Variants in DLGAP4 observed in about 807,000 individuals in gnomAD.
The protein encoded by DLGAP4 is disks large-associated protein 4.
DLGAP4 carries 18 observed loss-of-function variants against 86.9 expected under a neutral mutation model. The observed-to-expected ratio is 0.21, with a 90% CI of 0.14 to 0.31. The LOEUF (loss-of-function observed/expected upper bound fraction) is 0.31, where lower values mean the gene tolerates loss of function less well. Among genes scored for constraint, DLGAP4 ranks in the 10% least tolerant of loss-of-function variants. The pLI is 1.00. For synonymous variants in DLGAP4, 548 were observed against 574.3 expected (o/e 0.95, Z 0.65); for missense variants, 1,085 against 1,362.6 (o/e 0.80, Z 3.21).
At chr20:36,463,376 A>T (rs1402020499) in intron 7 of DLGAP4, among the ~76,000 whole-genome samples, 1 of 152,206 alleles carries the variant, frequency 6.6e-6, no homozygotes, top group Admixed American at 6.5e-5. Flanking sequence ...GTCTTTAAAC[A>T]GCCCCATCGA....
At chr20:36,494,426 ATTTTAT>A (rs1170954753) in intron 7 of DLGAP4, among the ~76,000 whole-genome samples, 1 of 152,216 alleles carries the variant, frequency 6.6e-6, no homozygotes, top group Non-Finnish European at 1.5e-5. Context: ...TTTAAATTAA[ATTTTAT>A]TTTTAGATAA....
intron 2 of DLGAP4, among the ~76,000 whole-genome samples, chr20:36,401,532 T>C (rs2032160657): frequency 6.6e-6 from 1 of 152,202 alleles, no homozygotes; most frequent in African/African-American, 2.4e-5. Context: ...CCCTTCCTGC[T>C]TCTCCCCCAG....
chr20:36,483,720 G>A (rs1407372552), intron 7 of DLGAP4, among the ~76,000 whole-genome samples: 1 of 152,218 alleles, frequency 6.6e-6, no homozygotes, highest in Non-Finnish European at 1.5e-5. Context: ...TGGTGAGAGA[G>A]TCAGAGCATG....
At chr20:36,482,339 C>T (rs1394849948) in intron 7 of DLGAP4, among the ~76,000 whole-genome samples, 1 of 152,176 alleles carries the variant, frequency 6.6e-6, no homozygotes, top group Non-Finnish European at 1.5e-5. Context: ...TGGTGAAAGC[C>T]GGGCTTTTGT....
Position 36,446,639 on chromosome 20 carries a change from G to T in DLGAP4, c.1408-58G>T, listed in dbSNP as rs6012603. On this transcript the variant is annotated intron_variant, in intron 6 of 12. Transcript: ENST00000339266. ...TGCCCTGAGCCCACCACCAAGAACC[G>T]CTCCCCCCAGGATGGGCAAGATAGC... 8.7e-3 allele frequency: 13,153 copies of T among 1,520,400 alleles called. 948 individuals carry two copies. The African/African-American group carries it at 0.15, about 18-fold the overall frequency. 94.2% of individuals were successfully genotyped at this position (1,520,400 alleles called of 1,614,324 possible). A position where few individuals can be genotyped will look rare whatever the true frequency, so the allele number is the denominator to read the frequency against.
intron 1 of DLGAP4, among the ~76,000 whole-genome samples, chr20:36,357,273 C>T (rs781853291): frequency 3.2e-4 from 48 of 152,298 alleles, no homozygotes; most frequent in Admixed American, 7.9e-4. Flanking sequence ...CCTCTTCCCG[C>T]CTTTTGTACC....
intron 7 of DLGAP4, among the ~76,000 whole-genome samples, chr20:36,448,976 A>G (rs1233166005): frequency 6.6e-6 from 1 of 152,028 alleles, no homozygotes; most frequent in Non-Finnish European, 1.5e-5. Context: ...TTGTAGGAAG[A>G]GAGGCACTGC....
Position 36,350,418 on chromosome 20 carries a change from C to G in DLGAP4, c.-303-16627C>G, listed in dbSNP as rs893755785. Among the ~76,000 whole-genome samples the G allele has an allele frequency of 2.6e-5, 4 of 152,206 alleles. No homozygotes were observed. Among genetic ancestry groups the G allele is most frequent in the African/African-American group, 9.7e-5 (4 of 41,442 alleles). On this transcript the variant is annotated intron_variant, in intron 1 of 12. Coordinates refer to ENST00000339266, the MANE Select transcript of DLGAP4 (RefSeq NM_001365621.2). The surrounding 1 kb of genome is among the most constrained non-coding windows in gnomAD (Gnocchi z 4.4). ...CCCTGAGGAGGCCCCTTCTCCATCC[C>G]CAGCACCTGCCCCATCCTGACTCCG...
At chr20:36,476,181 G>A (rs899420057) in intron 7 of DLGAP4, among the ~76,000 whole-genome samples, 2 of 151,736 alleles carry the variant, frequency 1.3e-5, no homozygotes, top group Admixed American at 6.6e-5. Flanking sequence ...GCAGTTCATT[G>A]GCACTAAGTA....
intron 7 of DLGAP4, among the ~76,000 whole-genome samples, chr20:36,486,820 C>T (rs2147728933): frequency 6.6e-6 from 1 of 152,062 alleles, no homozygotes; most frequent in East Asian, 1.9e-4. Context: ...CCATGTTGGC[C>T]AGGCTGGTCT....
At position 36,432,035 on chromosome 20, in the gene DLGAP4, C is replaced by G. The variant is rs1403157991; in HGVS notation, c.318C>G (p.Asp106Glu). The G allele has an allele frequency of 1.9e-6, 3 of 1,614,064 alleles. No homozygotes were observed. Among genetic ancestry groups the G allele is most frequent in the Non-Finnish European group, 2.5e-6 (3 of 1,180,044 alleles). The part of the protein sequence containing the change: ...KINRLPANLL[D>E]QFEKQLPIHR... ...ACCGGCTGCCCGCCAACCTCCTGGA[C>G]CAGTTTGAGAAGCAGCTGCCCATCC... is the stretch of plus-strand genomic sequence containing the variant. Residue 106 changes from aspartate to glutamate, a missense_variant, in exon 3 of 13, where the codon GAC (aspartate) becomes GAG (glutamate). Transcript: ENST00000339266. The surrounding 1 kb of genome is among the most constrained non-coding windows in gnomAD (Gnocchi z 6.5).
intron 7 of DLGAP4, among the ~76,000 whole-genome samples, chr20:36,494,984 G>GTTTTTTTTTTTTTTTT (rs752411826): frequency 8.0e-5 from 6 of 75,402 alleles, no homozygotes; most frequent in Non-Finnish European, 1.1e-4. Flanking sequence ...TTTTTGTTCG[G>GTTTTTTTTTTTTTTTT]TTTTTTTTTT....
chr20:36,437,729 C>G (rs766004690), intron 4 of DLGAP4, among the ~76,000 whole-genome samples: 5 of 152,094 alleles, frequency 3.3e-5, no homozygotes, highest in Non-Finnish European at 7.4e-5. Context: ...AAGACTGAGA[C>G]AGAGGGAAGA....
At chr20:36,333,776 T>C (rs1436166032) in intron 1 of DLGAP4, among the ~76,000 whole-genome samples, 1 of 146,916 alleles carries the variant, frequency 6.8e-6, no homozygotes, top group Non-Finnish European at 1.5e-5. Context: ...GTGTGGATCT[T>C]GGGTACCCAG....
chr20:36,467,353 A>G (rs1357851371), intron 7 of DLGAP4, among the ~76,000 whole-genome samples: 2 of 152,192 alleles, frequency 1.3e-5, no homozygotes, highest in Non-Finnish European at 2.9e-5. Context: ...AGGTGGGTGC[A>G]GAGGGCATGG....
intron 10 of DLGAP4, among the ~76,000 whole-genome samples, chr20:36,519,950 CCA>C (rs989784737): frequency 4.6e-5 from 7 of 151,506 alleles, no homozygotes; most frequent in Admixed American, 6.6e-5. Context: ...ACCACCATGC[CCA>C]GTTTGTTTTT....
intron 1 of DLGAP4, among the ~76,000 whole-genome samples, chr20:36,329,224 A>G (rs556625760): frequency 5.3e-5 from 8 of 152,210 alleles, no homozygotes; most frequent in African/African-American, 1.9e-4. Context: ...TTGGAATTTT[A>G]TCTATGTTTG....
At chr20:36,460,068 G>A (rs982930898) in intron 7 of DLGAP4, among the ~76,000 whole-genome samples, 3 of 152,228 alleles carry the variant, frequency 2.0e-5, no homozygotes, top group Non-Finnish European at 4.4e-5. Flanking sequence ...GTCACACAGG[G>A]AGTGTGTTAT....
At chr20:36,476,318 CTTTTTTTTTTTT>C (rs1028980966) in intron 7 of DLGAP4, among the ~76,000 whole-genome samples, 2 of 119,598 alleles carry the variant, frequency 1.7e-5, no homozygotes, top group African/African-American at 3.1e-5. Flanking sequence ...TGGCAACCAC[CTTTTTTTTTTTT>C]TTTTTTTTTT....
Sources: allele counts gnomAD v4.1 joint callset (sites outside exome capture counted in the v4.1 genomes callset), GRCh38; gene constraint gnomAD v4.1.1; non-coding constraint Gnocchi (gnomAD v3.1); transcripts MANE v1.5; gene names NCBI Gene and HGNC (gene_info 2026-07-23, HGNC 2026-07-21).